The following SBF2 variants were observed in gnomAD, a reference collection of about 807,000 sequenced individuals.
The protein encoded by SBF2 is myotubularin-related protein 13.
A neutral mutation model predicts 225.2 loss-of-function variants in SBF2; 112 were observed. The ratio of observed to expected loss-of-function variants is 0.50; its 90% CI spans 0.43 to 0.58. The LOEUF (loss-of-function observed/expected upper bound fraction) is 0.58. Among genes scored for constraint, SBF2 ranks in the 20% least tolerant of loss-of-function variants. The pLI is 0.00. For synonymous variants in SBF2, 763 were observed against 773.3 expected (o/e 0.99, Z 0.22); for missense variants, 1,996 against 2,206.2 (o/e 0.90, Z 1.91).
chr11:10,133,505 A>C lies in SBF2; in HGVS notation c.141+60397T>G, dbSNP rs181262678. On this transcript the variant is annotated intron_variant, in intron 2 of 39. Transcript: ENST00000256190. ...TCGAACGCAGTGCCGGTGGGCCAGCACTGCTGGGGGACTCAGTACACCCTC... is the reference window on the plus strand; with the variant it reads ...TCGAACGCAGTGCCGGTGGGCCAGCCCTGCTGGGGGACTCAGTACACCCTC... 1.5e-5 allele frequency among the ~76,000 whole-genome samples: 2 copies of C among 135,322 alleles called. 1 individual carries two copies. The highest frequency in any genetic ancestry group is 1.5e-4 in the Admixed American group (2 of 13,142). The allele number at this position is 135,322 out of a possible 152,430, so 88.8% of individuals were successfully genotyped here. A position where few individuals can be genotyped will look rare whatever the true frequency, so the allele number is the denominator to read the frequency against.
intron 17 of SBF2, among the ~76,000 whole-genome samples, chr11:9,874,866 T>A (rs1859084694): frequency 6.6e-6 from 1 of 152,264 alleles, no homozygotes; most frequent in South Asian, 2.1e-4. Context: ...GACTAACCTA[T>A]CAACCTTGAA....
intron 17 of SBF2, among the ~76,000 whole-genome samples, chr11:9,890,522 C>T (rs184351953): frequency 6.9e-4 from 105 of 152,246 alleles, no homozygotes; most frequent in African/African-American, 2.4e-3. Context: ...AATAAAACTT[C>T]CTCAAATGCC....
chr11:9,999,514 G>A (rs541415132), intron 8 of SBF2, among the ~76,000 whole-genome samples: 1 of 151,988 alleles, frequency 6.6e-6, no homozygotes, highest in South Asian at 2.1e-4. Flanking sequence ...TAGAGACAGG[G>A]TTTCTCCATG....
intron 29 of SBF2, among the ~76,000 whole-genome samples, chr11:9,813,195 T>C (rs1484117983): frequency 6.6e-6 from 1 of 152,204 alleles, no homozygotes; most frequent in Non-Finnish European, 1.5e-5. Flanking sequence ...TTAAAGTTTG[T>C]AGATATGCAC....
chr11:10,052,681 C>T (rs11823001), intron 2 of SBF2, among the ~76,000 whole-genome samples: 2,208 of 152,118 alleles, frequency 0.015, 37 homozygotes, highest in African/African-American at 0.037. Flanking sequence ...ATAAAAGGTA[C>T]GTGCTAATAT....
intron 25 of SBF2, among the ~76,000 whole-genome samples, chr11:9,840,299 A>G (rs1035845694): frequency 1.3e-5 from 2 of 151,764 alleles, no homozygotes; most frequent in African/African-American, 4.8e-5. Context: ...AGACTCTTAC[A>G]CCAAGACAGG....
rs1378420700 is a variant in SBF2, at chr11:9,998,391, A to G, written c.862-12T>C. On this transcript the variant is annotated splice_polypyrimidine_tract_variant and intron_variant, in intron 8 of 39. Transcript: ENST00000256190. ...ATGATTACATCTAACTGAAAGAGAT[A>G]AAAAAATTAACCTATAATTACCAAA... is the stretch of plus-strand genomic sequence containing the variant. 1.4e-6 allele frequency: 2 copies of G among 1,418,040 alleles called. No individual in the cohort carries two copies. Among genetic ancestry groups the G allele is most frequent in the South Asian group, 2.4e-5 (2 of 84,404 alleles). The allele number at this position is 1,418,040 out of a possible 1,614,324, so 87.8% of individuals were successfully genotyped here. A position where few individuals can be genotyped will look rare whatever the true frequency, so the allele number is the denominator to read the frequency against.
At position 10,204,963 on chromosome 11, in the gene SBF2, AC is replaced by A. The variant is rs1252738985; in HGVS notation, c.56-10977del. ...TGTATGTGGAAGCTGAACAATGACA[AC>A]ACATGGACATAGGGAGGGGAACAAT... On this transcript the variant is annotated intron_variant, in intron 1 of 39. Transcript: ENST00000256190. Among the ~76,000 whole-genome samples, 8 of 151,042 alleles carry A rather than the reference AC, an allele frequency of 5.3e-5. No homozygotes were observed. In the South Asian group the frequency reaches 1.7e-3, roughly 32 times the overall value.
At chr11:9,819,809 A>AT (rs1180034148) in intron 28 of SBF2, among the ~76,000 whole-genome samples, 2 of 152,242 alleles carry the variant, frequency 1.3e-5, no homozygotes, top group Non-Finnish European at 2.9e-5. Flanking sequence ...TGGAATAACT[A>AT]AGGGCATGTT....
chr11:10,254,875 T>C (rs1960714624), intron 1 of SBF2, among the ~76,000 whole-genome samples: 1 of 105,608 alleles, frequency 9.5e-6, no homozygotes, highest in Non-Finnish European at 1.8e-5. Context: ...CACTCCAGCC[T>C]GGGTGACAGA....
intron 22 of SBF2, among the ~76,000 whole-genome samples, chr11:9,848,096 G>C (rs980130594): frequency 2.0e-5 from 3 of 152,092 alleles, no homozygotes; most frequent in Non-Finnish European, 1.5e-5. Context: ...GGGTGGGGAG[G>C]GGGTGGGGAG....
At chr11:10,151,402 C>T (rs1218076265) in intron 2 of SBF2, among the ~76,000 whole-genome samples, 3 of 152,146 alleles carry the variant, frequency 2.0e-5, no homozygotes, top group Non-Finnish European at 2.9e-5. Flanking sequence ...AAACAGCACA[C>T]CCAAAATATC....
intron 2 of SBF2, among the ~76,000 whole-genome samples, chr11:10,153,965 G>T (rs930392637): frequency 6.6e-6 from 1 of 151,676 alleles, no homozygotes; most frequent in Non-Finnish European, 1.5e-5. Context: ...TTTAAAAATC[G>T]GTTGTCCATA....
chr11:10,047,440 A>G (rs1173675071), intron 2 of SBF2, among the ~76,000 whole-genome samples: 1 of 152,154 alleles, frequency 6.6e-6, no homozygotes, highest in Non-Finnish European at 1.5e-5. Flanking sequence ...ACAAAACAGA[A>G]TAGAGAGCCC....
intron 32 of SBF2, among the ~76,000 whole-genome samples, chr11:9,805,019 T>C (rs1222051917): frequency 2.0e-5 from 3 of 152,144 alleles, no homozygotes; most frequent in Non-Finnish European, 2.9e-5. Context: ...CCAAGGCAGA[T>C]AGATCACCTG....
chr11:9,984,219 T>C (rs777507584), intron 13 of SBF2, among the ~76,000 whole-genome samples: 26 of 152,088 alleles, frequency 1.7e-4, no homozygotes, highest in Admixed American at 1.5e-3. Context: ...TAGAAATAGA[T>C]AGCTTAAAGA....
chr11:10,244,062 G>A (rs1959507422), intron 1 of SBF2, among the ~76,000 whole-genome samples: 1 of 152,106 alleles, frequency 6.6e-6, no homozygotes, highest in Non-Finnish European at 1.5e-5. Context: ...AAATTCAACA[G>A]CATGTTAAGA....
intron 13 of SBF2, among the ~76,000 whole-genome samples, chr11:9,984,828 C>T (rs1947126029): frequency 6.6e-6 from 1 of 152,130 alleles, no homozygotes; most frequent in African/African-American, 2.4e-5. Flanking sequence ...TCCAGTGAAA[C>T]TAAACATCAT....
rs551713801 is a variant in SBF2, at chr11:10,139,915, C to T, written c.141+53987G>A. ...GGTGCGGATTAGCAGAAGTATAAGT[C>T]AACTATGATGCAGATGCTATCCGGA... On this transcript the variant is annotated intron_variant, in intron 2 of 39. Coordinates refer to ENST00000256190, the MANE Select transcript of SBF2 (RefSeq NM_030962.4). 2.0e-5 allele frequency among the ~76,000 whole-genome samples: 3 copies of T among 152,256 alleles called. No homozygotes were observed. The South Asian group carries it at 6.2e-4, about 32-fold the overall frequency.
Sources: allele counts gnomAD v4.1 joint callset (sites outside exome capture counted in the v4.1 genomes callset), GRCh38; gene constraint gnomAD v4.1.1; transcripts MANE v1.5; gene names NCBI Gene and HGNC (gene_info 2026-07-23, HGNC 2026-07-21).